SCAPER: variants seen among roughly 807,000 people sequenced by gnomAD.
SCAPER encodes S phase cyclin A-associated protein in the endoplasmic reticulum.
In SCAPER, 98 loss-of-function variants were observed where a neutral mutation model predicts 182.2. The observed-to-expected ratio is 0.54, with a 90% confidence interval of 0.46 to 0.64. SCAPER has a LOEUF of 0.64. SCAPER is among the 30% of genes least tolerant of loss of function. The pLI is 0.00. For synonymous variants in SCAPER, 605 were observed against 564.6 expected, an observed-to-expected ratio of 1.07 and a Z score of -1.01; for missense variants, 1,432 against 1,690.0, an observed-to-expected ratio of 0.85 and a Z score of 2.68.
intron 29 of SCAPER, among the ~76,000 whole-genome samples, chr15:76,356,257 C>T (rs185887078): frequency 1.3e-5 from 2 of 152,224 alleles, no homozygotes; most frequent in East Asian, 1.9e-4. Flanking sequence ...ACAGATGAAC[C>T]GTCAGCTGAA....
intron 24 of SCAPER, among the ~76,000 whole-genome samples, chr15:76,495,298 C>T (rs1345749519): frequency 1.3e-5 from 2 of 152,096 alleles, no homozygotes; most frequent in African/African-American, 4.8e-5. Flanking sequence ...ATGATGCAGA[C>T]CAGGCATGGT....
chr15:76,605,193 A>T (rs557901355), intron 22 of SCAPER, among the ~76,000 whole-genome samples: 9 of 152,206 alleles, frequency 5.9e-5, no homozygotes, highest in East Asian at 3.9e-4. Flanking sequence ...TTGAGATACG[A>T]CCCATCAATA....
intron 22 of SCAPER, among the ~76,000 whole-genome samples, chr15:76,604,485 CT>C (rs2050186818): frequency 8.3e-6 from 1 of 120,460 alleles, no homozygotes; most frequent in Non-Finnish European, 2.0e-5. Context: ...GTTCTTTTGC[CT>C]TAGGATTGAC....
intron 25 of SCAPER, among the ~76,000 whole-genome samples, chr15:76,453,820 T>C (rs1047814416): frequency 6.6e-6 from 1 of 152,230 alleles, no homozygotes; most frequent in Non-Finnish European, 1.5e-5. Context: ...ACAAAATAAA[T>C]ACTTCTCTCT....
At chr15:76,677,888 G>GT (rs2057458754) in intron 20 of SCAPER, among the ~76,000 whole-genome samples, 1 of 151,504 alleles carries the variant, frequency 6.6e-6, no homozygotes, top group South Asian at 2.1e-4. Context: ...TGACCAATAG[G>GT]TTCATGATCT....
intron 17 of SCAPER, among the ~76,000 whole-genome samples, chr15:76,711,563 T>C (rs901123659): frequency 2.6e-5 from 4 of 152,332 alleles, no homozygotes; most frequent in African/African-American, 9.6e-5. Context: ...GAAACTCTCA[T>C]GTGCTGCTGA....
intron 23 of SCAPER, among the ~76,000 whole-genome samples, chr15:76,553,446 A>G (rs1466428546): frequency 3.3e-5 from 5 of 151,896 alleles, no homozygotes; most frequent in Non-Finnish European, 5.9e-5. Context: ...TTTCTGCCCC[A>G]CTCCCACAGG....
intron 10 of SCAPER, among the ~76,000 whole-genome samples, chr15:76,770,318 C>T (rs2063392036): frequency 6.6e-6 from 1 of 151,544 alleles, no homozygotes; most frequent in Admixed American, 6.6e-5. Flanking sequence ...CAAACCTGTA[C>T]ATTGTGCACA....
intron 1 of SCAPER, among the ~76,000 whole-genome samples, chr15:76,890,826 G>C (rs1340775755): frequency 6.6e-6 from 1 of 152,188 alleles, no homozygotes; most frequent in African/African-American, 2.4e-5. Flanking sequence ...TATGAGGCCA[G>C]CATCATCCTG....
intron 24 of SCAPER, among the ~76,000 whole-genome samples, chr15:76,488,424 C>A (rs1206172384): frequency 6.6e-6 from 1 of 152,068 alleles, no homozygotes; most frequent in African/African-American, 2.4e-5. Flanking sequence ...CTGAAAACAG[C>A]TGGAAATGTT....
intron 14 of SCAPER, among the ~76,000 whole-genome samples, chr15:76,758,946 G>A (rs62028729): frequency 7.8e-6 from 1 of 128,196 alleles, no homozygotes; most frequent in Non-Finnish European, 1.9e-5. Context: ...ATCTCTAAAC[G>A]TTACTGAATT....
intron 17 of SCAPER, among the ~76,000 whole-genome samples, chr15:76,723,795 C>CT: frequency 6.6e-6 from 1 of 152,252 alleles, no homozygotes; most frequent in South Asian, 2.1e-4. Flanking sequence ...TCCTTCATCC[C>CT]TTTTTTGTGA....
chr15:76,493,488 C>T (rs1037923912), intron 24 of SCAPER, among the ~76,000 whole-genome samples: 2 of 152,034 alleles, frequency 1.3e-5, no homozygotes, highest in African/African-American at 4.8e-5. Context: ...TTCTGTATTT[C>T]CTCAAATTAG....
chr15:76,529,465 A>C (rs1403798462), intron 23 of SCAPER, among the ~76,000 whole-genome samples: 2 of 152,248 alleles, frequency 1.3e-5, no homozygotes, highest in African/African-American at 4.8e-5. Flanking sequence ...GCAATATGGT[A>C]GTATGTTAGA....
intron 15 of SCAPER, among the ~76,000 whole-genome samples, chr15:76,744,465 A>G (rs1412488668): frequency 2.0e-5 from 3 of 152,198 alleles, no homozygotes; most frequent in Non-Finnish European, 4.4e-5. Context: ...CCATTTTTAA[A>G]AATGAGCAAA....
chr15:76,567,444 T>C (rs1444120339), intron 23 of SCAPER: 1 of 413,076 alleles, frequency 2.4e-6, no homozygotes, highest in South Asian at 1.8e-5. Flanking sequence ...ACAAATTTAG[T>C]AGACAACAGC....
chr15:76,899,452 G>A (rs548831806), intron 1 of SCAPER, among the ~76,000 whole-genome samples: 10 of 152,302 alleles, frequency 6.6e-5, no homozygotes, highest in Admixed American at 3.9e-4. Context: ...ACGGAGTCTC[G>A]CTCACTCAAT....
intron 23 of SCAPER, among the ~76,000 whole-genome samples, chr15:76,569,719 A>C (rs1362165332): frequency 6.6e-6 from 1 of 151,126 alleles, no homozygotes; most frequent in East Asian, 1.9e-4. Flanking sequence ...TCTTCTTTTC[A>C]TTTTCTATAT....
At chr15:76,574,812 T>G (rs2047700914) in intron 22 of SCAPER, among the ~76,000 whole-genome samples, 1 of 152,184 alleles carries the variant, frequency 6.6e-6, no homozygotes, top group Non-Finnish European at 1.5e-5. Context: ...AATACCACAT[T>G]ATACCTAGAC....
Sources: gnomAD v4.1 joint callset for allele counts (sites outside exome capture counted in the v4.1 genomes callset) on GRCh38, gnomAD v4.1.1 for gene constraint, MANE v1.5 for transcripts, NCBI Gene and HGNC (gene_info 2026-07-23, HGNC 2026-07-21) for gene names.